CCDC102A: variants seen among roughly 807,000 people sequenced by gnomAD.
CCDC102A encodes the protein coiled-coil domain-containing protein 102A.
A neutral mutation model predicts 55.5 loss-of-function variants in CCDC102A; 40 were observed. The observed-to-expected ratio is 0.72, with a 90% confidence interval of 0.56 to 0.94. CCDC102A has a LOEUF of 0.94. Ranked by LOEUF, CCDC102A falls within the 40% of genes least tolerant of loss-of-function variation. The pLI is 0.00. For synonymous variants in CCDC102A, 323 were observed against 339.0 expected, an observed-to-expected ratio of 0.95 and a Z score of 0.52; for missense variants, 779 against 768.6, an observed-to-expected ratio of 1.01 and a Z score of -0.16.
At chr16:57,533,420 C>T (rs1157163988) in intron 1 of CCDC102A, among the ~76,000 whole-genome samples, 1 of 152,012 alleles carries the variant, frequency 6.6e-6, no homozygotes, top group Non-Finnish European at 1.5e-5. Flanking sequence ...TACCCTGCCC[C>T]ACTCATACAG....
At chr16:57,534,698 G>T (rs1379811599) in intron 1 of CCDC102A, among the ~76,000 whole-genome samples, 2 of 152,158 alleles carry the variant, frequency 1.3e-5, no homozygotes, top group African/African-American at 4.8e-5. Flanking sequence ...CACTCTTAGG[G>T]GTACCCTTGT....
chr16:57,524,284 C>G (rs1199578605), intron 3 of CCDC102A, among the ~76,000 whole-genome samples: 3 of 151,936 alleles, frequency 2.0e-5, no homozygotes, highest in African/African-American at 7.3e-5. Context: ...GAGCCATTTT[C>G]AGATGAGCCT....
intron 8 of CCDC102A, among the ~76,000 whole-genome samples, chr16:57,514,832 T>C (rs4784813): frequency 0.52 from 78,441 of 152,064 alleles, 23,687 homozygotes; most frequent in African/African-American, 0.85. Context: ...TATCGCCTGG[T>C]TCTGTGATTC....
intron 6 of CCDC102A, among the ~76,000 whole-genome samples, chr16:57,517,636 G>T (rs370921474): frequency 1.3e-5 from 2 of 152,184 alleles, no homozygotes; most frequent in Non-Finnish European, 2.9e-5. Flanking sequence ...GTGCCACTGC[G>T]CCTGGCTGAG....
At chr16:57,535,941 G>A (rs1218832240) in intron 1 of CCDC102A, among the ~76,000 whole-genome samples, 2 of 152,132 alleles carry the variant, frequency 1.3e-5, no homozygotes, top group Admixed American at 1.3e-4. Context: ...GCCCTGCGTC[G>A]CCTTAGTCCT....
intron 1 of CCDC102A, among the ~76,000 whole-genome samples, chr16:57,533,327 C>T (rs1173541238): frequency 6.6e-6 from 1 of 151,984 alleles, no homozygotes; most frequent in Non-Finnish European, 1.5e-5. Flanking sequence ...TGGAGAAGCC[C>T]ACCCCGCCCC....
In CCDC102A at chr16:57,521,055, C is replaced by T; in HGVS notation, c.921+13G>A. 6.3e-7 allele frequency: 1 copy of T among 1,598,982 alleles called. No homozygotes were observed. Among genetic ancestry groups the T allele is most frequent in the Non-Finnish European group, 8.6e-7 (1 of 1,166,872 alleles). ...GCCGCCTCCAGGAAGACCCTCTGGTCTCCAAGACTCACCTGCTTGAGCATC... is the reference window on the plus strand; with the variant it reads ...GCCGCCTCCAGGAAGACCCTCTGGTTTCCAAGACTCACCTGCTTGAGCATC... On this transcript the variant is annotated intron_variant, in intron 4 of 8. Transcript: ENST00000258214.
At chr16:57,519,044 C>T (rs984958688) in intron 4 of CCDC102A, among the ~76,000 whole-genome samples, 1 of 152,240 alleles carries the variant, frequency 6.6e-6, no homozygotes, top group African/African-American at 2.4e-5. Flanking sequence ...ATACCACCCT[C>T]CTCCCACAAA....
chr16:57,517,449 T>A (rs762208250), intron 6 of CCDC102A, among the ~76,000 whole-genome samples: 3 of 152,072 alleles, frequency 2.0e-5, no homozygotes, highest in Non-Finnish European at 4.4e-5. Flanking sequence ...CGGTTTCAAG[T>A]GATTCTCCTG....
At position 57,521,152 on chromosome 16, in the gene CCDC102A, G is replaced by A. The variant is rs372328329; in HGVS notation, c.837C>T (p.Asn279=). 3.7e-6 allele frequency: 6 copies of A among 1,613,336 alleles called. No individual in the cohort carries two copies. The African/African-American group carries it at 8.0e-5, about 22-fold the overall frequency. ...EREDKLALSR[N]IEKLEGELSQ... ...TGAGCTCCCCCTCTAGCTTCTCAAT[G>A]TTCCTGCTCAACGCCAGTTTATCCC... The change falls in exon 4 of 9, where the codon AAC becomes AAT. Residue 279 remains asparagine, a synonymous_variant. Transcript: ENST00000258214.
At chr16:57,531,373 T>C (rs537292158) in intron 1 of CCDC102A, among the ~76,000 whole-genome samples, 3 of 151,986 alleles carry the variant, frequency 2.0e-5, no homozygotes, top group African/African-American at 7.2e-5. Flanking sequence ...CCGCCAAACC[T>C]TGTCAGTCTA....
At position 57,529,724 on chromosome 16, in the gene CCDC102A, G is replaced by T. The variant is rs1471829304; in HGVS notation, c.-147-400C>A. Among the ~76,000 whole-genome samples the T allele has an allele frequency of 6.6e-6, 1 of 152,146 alleles. No individual in the cohort carries two copies. Among genetic ancestry groups the T allele is most frequent in the Non-Finnish European group, 1.5e-5 (1 of 68,038 alleles). ...CTTCTCATATTTAAGACTCTTCTGA[G>T]GTATCACTTCCTCCTGGAAGCCCTC... is the stretch of plus-strand genomic sequence containing the variant. On this transcript the variant is annotated intron_variant, in intron 1 of 8. Coordinates refer to ENST00000258214, the MANE Select transcript of CCDC102A (RefSeq NM_033212.4). This position sits in a 1 kb window ranked among gnomAD's most constrained non-coding sequence, Gnocchi z 4.1.
At position 57,526,089 on chromosome 16, in the gene CCDC102A, T is replaced by A. The variant is rs765020656; in HGVS notation, c.624A>T (p.Pro208=). Residue 208 remains proline (P), a synonymous_variant, in exon 3 of 9, where the codon CCA becomes CCT. Transcript: ENST00000258214. ...ELVESLLKSM[P]EESEDCWEAR... is the part of the protein sequence containing the mutation. ...CCTCCCAGCAGTCCTCAGACTCCTC[T>A]GGCATGCTCTTCAGCAGGCTCTCCA... 1 of 1,572,938 alleles carries A rather than the reference T, an allele frequency of 6.4e-7. No individual in the cohort carries two copies. The highest frequency in any genetic ancestry group is 8.6e-7 in the Non-Finnish European group (1 of 1,164,976).
chr16:57,528,066 G>C (rs2032172614), intron 2 of CCDC102A, among the ~76,000 whole-genome samples: 1 of 152,220 alleles, frequency 6.6e-6, no homozygotes, highest in African/African-American at 2.4e-5. Context: ...TGCTGCCGCA[G>C]CCACAGCCTC....
chr16:57,528,667 G>C lies in CCDC102A; in HGVS notation c.511C>G (p.Arg171Gly). The C allele has an allele frequency of 8.7e-7, 1 of 1,145,642 alleles. No individual in the cohort carries two copies. Among genetic ancestry groups the C allele is most frequent in the Non-Finnish European group, 1.1e-6 (1 of 928,902 alleles). 71.0% of individuals were successfully genotyped at this position (1,145,642 alleles called of 1,614,324 possible). Residue 171 changes from arginine (R) to glycine (G), a missense_variant, in exon 2 of 9, where the codon CGC becomes GGC. Arg to Gly is a moderately radical substitution (Grantham distance 125, BLOSUM62 -2). Transcript: ENST00000258214. ...TCCGCTTCCGGCTCGGGGCCGTCGC[G>C]CGTCTGGTCGGCGACCCCCCGGGCG... is the stretch of plus-strand genomic sequence containing the variant. ...RGARGVADQT[R>G]DGPEPEAERE...
At chr16:57,520,244 G>A (rs1322000278) in intron 4 of CCDC102A, among the ~76,000 whole-genome samples, 1 of 152,112 alleles carries the variant, frequency 6.6e-6, no homozygotes, top group Non-Finnish European at 1.5e-5. Flanking sequence ...TCCCGCACAC[G>A]CTGGGCTTGT....
chr16:57,532,396 C>T (rs1300040965), intron 1 of CCDC102A, among the ~76,000 whole-genome samples: 1 of 152,172 alleles, frequency 6.6e-6, no homozygotes, highest in Non-Finnish European at 1.5e-5. Flanking sequence ...CCAGGAGATC[C>T]CTAGCAGCCT....
intron 2 of CCDC102A, among the ~76,000 whole-genome samples, chr16:57,526,416 C>T (rs1221750474): frequency 6.6e-6 from 1 of 152,166 alleles, no homozygotes; most frequent in Non-Finnish European, 1.5e-5. Flanking sequence ...AAACCTACGG[C>T]GGGGCACCGA....
chr16:57,533,861 C>T (rs2032321356), intron 1 of CCDC102A, among the ~76,000 whole-genome samples: 1 of 152,154 alleles, frequency 6.6e-6, no homozygotes, highest in Non-Finnish European at 1.5e-5. Flanking sequence ...CCGCCCCTTC[C>T]ACCAGGCTCA....
Sources: gnomAD v4.1 joint callset for allele counts (sites outside exome capture counted in the v4.1 genomes callset) on GRCh38, gnomAD v4.1.1 for gene constraint, Gnocchi (gnomAD v3.1) non-coding constraint, MANE v1.5 for transcripts, NCBI Gene and HGNC (gene_info 2026-07-23, HGNC 2026-07-21) for gene names.